The following ANO10 variants were observed in gnomAD, a reference collection of about 807,000 sequenced individuals.
ANO10 encodes anoctamin-10.
In ANO10, 77 loss-of-function variants were observed where a neutral mutation model predicts 74.7. The observed-to-expected ratio is 1.03, with a 90% CI of 0.86 to 1.25. ANO10 has a LOEUF of 1.25. Among genes scored for constraint, ANO10 ranks in the 50% most tolerant of loss-of-function variants. The pLI, the probability that ANO10 is intolerant of heterozygous loss-of-function variation, is 0.00. For synonymous variants in ANO10, 279 were observed against 284.9 expected, an observed-to-expected ratio of 0.98 and a Z score of 0.21; for missense variants, 721 against 778.1, an observed-to-expected ratio of 0.93 and a Z score of 0.87.
intron 12 of ANO10, among the ~76,000 whole-genome samples, chr3:43,402,265 G>C (rs1167276614): frequency 6.6e-6 from 1 of 152,176 alleles, no homozygotes; most frequent in Non-Finnish European, 1.5e-5. Context: ...CTGCGCATGA[G>C]CTCCTTTAAG....
chr3:43,660,359 T>C lies in ANO10; in HGVS notation c.-12+31158A>G, dbSNP rs2149572652. On this transcript the variant is annotated intron_variant, in intron 1 of 3. Transcript: ENST00000413397. ...CAAGTTAAAAACCTTGAAAAAAGGT[T>C]AGATCAAGCTAACTAGAAAAATAAG... Among the ~76,000 whole-genome samples the C allele has an allele frequency of 2.0e-5, 3 of 152,178 alleles. No homozygotes were observed. The South Asian group carries it at 6.2e-4, about 32-fold the overall frequency.
At chr3:43,420,325 A>G (rs1337966919) in intron 12 of ANO10, among the ~76,000 whole-genome samples, 2 of 152,126 alleles carry the variant, frequency 1.3e-5, no homozygotes, top group Non-Finnish European at 2.9e-5. Flanking sequence ...GCACACCTGT[A>G]GTCCCAGATA....
chr3:43,593,406 A>T (rs1320707138), intron 4 of ANO10, among the ~76,000 whole-genome samples: 2 of 152,260 alleles, frequency 1.3e-5, no homozygotes, highest in East Asian at 3.8e-4. Context: ...CTAACAGCAG[A>T]TCTCTCAGCA....
At chr3:43,416,801 A>G (rs1319527132) in intron 12 of ANO10, among the ~76,000 whole-genome samples, 2 of 152,138 alleles carry the variant, frequency 1.3e-5, no homozygotes, top group Non-Finnish European at 2.9e-5. Flanking sequence ...AATCCAACCA[A>G]GTTTAGAGAT....
At chr3:43,669,220 T>C (rs887070405) in intron 1 of ANO10, among the ~76,000 whole-genome samples, 14 of 152,108 alleles carry the variant, frequency 9.2e-5, no homozygotes, top group African/African-American at 3.4e-4. Flanking sequence ...TCTGATAAAA[T>C]AGTTTCTCCT....
chr3:43,619,695 C>CA (rs143726176), intron 1 of ANO10, among the ~76,000 whole-genome samples: 92 of 144,412 alleles, frequency 6.4e-4, no homozygotes, highest in African/African-American at 1.9e-3. Flanking sequence ...ACAATAAATA[C>CA]AAAAAAAAAG....
chr3:43,683,144 C>T (rs1239989114), intron 1 of ANO10, among the ~76,000 whole-genome samples: 1 of 152,084 alleles, frequency 6.6e-6, no homozygotes, highest in East Asian at 1.9e-4. Flanking sequence ...TCTAATTGTC[C>T]CTGTTTGCAG....
chr3:43,620,370 A>C (rs547714048), intron 1 of ANO10, among the ~76,000 whole-genome samples: 1 of 152,364 alleles, frequency 6.6e-6, no homozygotes, highest in East Asian at 1.9e-4. Context: ...GTACATTCAT[A>C]TACACAAAAA....
At chr3:43,504,144 T>G (rs1207893976) in intron 11 of ANO10, among the ~76,000 whole-genome samples, 1 of 152,090 alleles carries the variant, frequency 6.6e-6, no homozygotes, top group Non-Finnish European at 1.5e-5. Flanking sequence ...GGCGGACACC[T>G]GTAATCCCAG....
chr3:43,381,118 T>G (rs528797973), intron 12 of ANO10, among the ~76,000 whole-genome samples: 1 of 152,076 alleles, frequency 6.6e-6, no homozygotes, highest in East Asian at 1.9e-4. Context: ...ACCGCCCCCA[T>G]GATTAAAACA....
rs149071239 is a variant in ANO10, at chr3:43,447,761, T to C, written c.1798-15034A>G. ...CTACACAGAAAGTAGAGAGTTGCTG[T>C]ATACCTGTCATTCTCCCAGTTTCCC... On this transcript the variant is annotated intron_variant, in intron 11 of 12. Coordinates refer to ENST00000292246, the MANE Select transcript of ANO10 (RefSeq NM_018075.5). Among the ~76,000 whole-genome samples the C allele has an allele frequency of 2.2e-4, 34 of 152,348 alleles. No homozygotes were observed. The East Asian group carries it at 6.2e-3, about 28-fold the overall frequency.
intron 11 of ANO10, among the ~76,000 whole-genome samples, chr3:43,490,100 T>C (rs985214304): frequency 5.3e-5 from 8 of 152,202 alleles, no homozygotes; most frequent in African/African-American, 1.7e-4. Context: ...ACATGGATGA[T>C]GGAAAAACAG....
At chr3:43,482,379 G>A (rs1161442660) in intron 11 of ANO10, among the ~76,000 whole-genome samples, 1 of 152,066 alleles carries the variant, frequency 6.6e-6, no homozygotes, top group Non-Finnish European at 1.5e-5. Context: ...ACTTCACAGA[G>A]TTTGACTCTT....
intron 12 of ANO10, among the ~76,000 whole-genome samples, chr3:43,399,529 TA>T (rs1337385496): frequency 1.3e-5 from 2 of 152,174 alleles, no homozygotes; most frequent in South Asian, 2.1e-4. Context: ...AAACAAGGAC[TA>T]CATGGTTTCT....
At chr3:43,556,690 T>G (rs2079767626) in intron 9 of ANO10, among the ~76,000 whole-genome samples, 1 of 152,230 alleles carries the variant, frequency 6.6e-6, no homozygotes, top group Non-Finnish European at 1.5e-5. Flanking sequence ...CTCTTTTTGT[T>G]GGACCATGCT....
At chr3:43,501,845 C>T (rs1375164251) in intron 11 of ANO10, among the ~76,000 whole-genome samples, 2 of 152,168 alleles carry the variant, frequency 1.3e-5, no homozygotes, top group Non-Finnish European at 2.9e-5. Context: ...AGCCAAGGAG[C>T]TATCAAAATG....
chr3:43,556,384 C>T (rs2079750428), intron 9 of ANO10, among the ~76,000 whole-genome samples: 1 of 152,128 alleles, frequency 6.6e-6, no homozygotes. Flanking sequence ...CAAAGGCCTT[C>T]TTGGAGTTAT....
chr3:43,583,277 A>T (rs1322012713), intron 4 of ANO10, among the ~76,000 whole-genome samples: 3 of 151,992 alleles, frequency 2.0e-5, no homozygotes, highest in Non-Finnish European at 4.4e-5. Flanking sequence ...CATGTCAGTT[A>T]AGAATGTAAT....
chr3:43,544,475 T>C (rs950037339), intron 11 of ANO10, among the ~76,000 whole-genome samples: 8 of 151,848 alleles, frequency 5.3e-5, no homozygotes, highest in Non-Finnish European at 1.2e-4. Context: ...GTTTCATCTG[T>C]ACTAAATCAA....
Sources: gnomAD v4.1 joint callset for allele counts (sites outside exome capture counted in the v4.1 genomes callset) on GRCh38, gnomAD v4.1.1 for gene constraint, MANE v1.5 for transcripts, NCBI Gene and HGNC (gene_info 2026-07-23, HGNC 2026-07-21) for gene names.